Variants in NOL4 observed in about 807,000 individuals in gnomAD.
NOL4 encodes the protein nucleolar protein 4.
NOL4 carries 17 observed loss-of-function variants against 75.9 expected under a neutral mutation model. The ratio of observed to expected loss-of-function variants is 0.22; its 90% CI spans 0.15 to 0.34. The LOEUF (loss-of-function observed/expected upper bound fraction) is 0.34. Among genes scored for constraint, NOL4 ranks in the 10% least tolerant of loss-of-function variants. The probability of loss-of-function intolerance (pLI) is 1.00; values close to 1 mark genes in which losing one functional copy is unlikely to be tolerated. For synonymous variants in NOL4, 292 were observed against 289.9 expected, an observed-to-expected ratio of 1.01 and a Z score of -0.07; for missense variants, 614 against 793.5, an observed-to-expected ratio of 0.77 and a Z score of 2.72.
rs1282692604 is a variant in NOL4, at chr18:34,014,581, TTTGA to T, written c.1056+4733_1056+4736del. 1.7e-4 allele frequency among the ~76,000 whole-genome samples: 26 copies of T among 152,142 alleles called. 1 individual carries two copies. The East Asian group carries it at 3.9e-3, about 23-fold the overall frequency. Reference sequence around the variant, plus strand: ...TAAAACATCTATACCTAGATTGGTGTTTGATTGGCCTTTCATTTTCTATATAGCT... The same window carrying T: ...TAAAACATCTATACCTAGATTGGTGTTTGGCCTTTCATTTTCTATATAGCT... On this transcript the variant is annotated intron_variant, in intron 6 of 10. Transcript: ENST00000261592.
At chr18:34,198,868 C>G (rs1476675932) in intron 1 of NOL4, among the ~76,000 whole-genome samples, 1 of 151,820 alleles carries the variant, frequency 6.6e-6, no homozygotes, top group African/African-American at 2.4e-5. Context: ...TTGCAGCATA[C>G]AAGCTCAAGT....
rs142221234 is a variant in NOL4 at position 33,862,517 on chromosome 18, C to T, written c.1724-9482G>A. 2.9e-3 allele frequency among the ~76,000 whole-genome samples: 441 copies of T among 152,172 alleles called. 12 individuals carry two copies. In the East Asian group the frequency reaches 0.075, roughly 26 times the overall value. ...AATGGGAGAAAATTTTCGCAACCTACTCATCTGACAAAGGGCTAATATCCA... is the reference window on the plus strand; with the variant it reads ...AATGGGAGAAAATTTTCGCAACCTATTCATCTGACAAAGGGCTAATATCCA... On this transcript the variant is annotated intron_variant, in intron 10 of 10. Coordinates refer to ENST00000261592, the MANE Select transcript of NOL4 (RefSeq NM_003787.5).
chr18:33,876,451 T>C (rs1347314642), intron 10 of NOL4, among the ~76,000 whole-genome samples: 1 of 152,034 alleles, frequency 6.6e-6, no homozygotes, highest in Non-Finnish European at 1.5e-5. Flanking sequence ...TTCAGATCTC[T>C]ACAAATCCTA....
intron 9 of NOL4, among the ~76,000 whole-genome samples, chr18:33,893,052 C>T (rs1312506189): frequency 2.6e-5 from 4 of 152,014 alleles, no homozygotes; most frequent in Admixed American, 1.3e-4. Flanking sequence ...TGAATGACCA[C>T]ATACAATACA....
At chr18:34,165,999 T>C (rs2032287055) in intron 1 of NOL4, among the ~76,000 whole-genome samples, 1 of 152,088 alleles carries the variant, frequency 6.6e-6, no homozygotes, top group African/African-American at 2.4e-5. Context: ...AATAAAAATT[T>C]ACAAAATATG....
chr18:33,920,621 A>G (rs908993615), intron 9 of NOL4, among the ~76,000 whole-genome samples: 3 of 152,196 alleles, frequency 2.0e-5, no homozygotes, highest in Admixed American at 6.5e-5. Context: ...ACTATACACT[A>G]AAGAGATTAG....
intron 8 of NOL4, among the ~76,000 whole-genome samples, chr18:33,948,070 A>G (rs1008786847): frequency 3.9e-5 from 6 of 151,902 alleles, no homozygotes; most frequent in Admixed American, 1.3e-4. Context: ...GATTTTTGCA[A>G]TTACAAAAAA....
chr18:33,943,247 C>G, intron 8 of NOL4, 69 bp from the exon 9 acceptor site: 2 of 965,970 alleles, frequency 2.1e-6, no homozygotes, highest in Non-Finnish European at 3.2e-6. Context: ...ATGCTATTCT[C>G]AGAAGAGCTC....
chr18:33,974,955 G>A (rs539887549), intron 6 of NOL4, among the ~76,000 whole-genome samples: 2 of 152,244 alleles, frequency 1.3e-5, no homozygotes, highest in Non-Finnish European at 2.9e-5. Flanking sequence ...ATAAAATGTG[G>A]TATATACATA....
intron 5 of NOL4, among the ~76,000 whole-genome samples, chr18:34,065,463 A>C (rs569572134): frequency 3.3e-5 from 5 of 152,122 alleles, no homozygotes; most frequent in African/African-American, 1.2e-4. Flanking sequence ...AGACTAAAAG[A>C]GAGAAAGATG....
At chr18:34,122,919 C>T (rs1029724891) in intron 2 of NOL4, among the ~76,000 whole-genome samples, 3 of 151,984 alleles carry the variant, frequency 2.0e-5, no homozygotes, top group Admixed American at 2.0e-4. Flanking sequence ...TTTTTAAAGC[C>T]GCATTGGCTC....
At chr18:34,194,917 G>GGGCA in intron 1 of NOL4, among the ~76,000 whole-genome samples, 1 of 151,714 alleles carries the variant, frequency 6.6e-6, no homozygotes, top group Admixed American at 6.6e-5. Flanking sequence ...CTAGCTACTC[G>GGGCA]TGAGGCTAGG....
chr18:34,097,236 G>T (rs918900427), intron 4 of NOL4, among the ~76,000 whole-genome samples: 1 of 152,076 alleles, frequency 6.6e-6, no homozygotes, highest in African/African-American at 2.4e-5. Flanking sequence ...CCATAAGACT[G>T]CTTAAAAACC....
chr18:34,138,159 C>T (rs2080978391), intron 1 of NOL4, among the ~76,000 whole-genome samples: 1 of 152,020 alleles, frequency 6.6e-6, no homozygotes, highest in Admixed American at 6.6e-5. Context: ...TGCCTGTAAT[C>T]CCAGTGCTTT....
intron 1 of NOL4, among the ~76,000 whole-genome samples, chr18:34,211,685 A>C (rs1278676100): frequency 6.6e-6 from 1 of 152,218 alleles, no homozygotes; most frequent in African/African-American, 2.4e-5. Flanking sequence ...AACACTTCAA[A>C]AACTCGTAAC....
At chr18:33,940,252 T>G (rs1258351253) in intron 9 of NOL4, among the ~76,000 whole-genome samples, 3 of 152,022 alleles carry the variant, frequency 2.0e-5, no homozygotes, top group Admixed American at 6.6e-5. Flanking sequence ...CACATGCACA[T>G]GTATATTTAT....
intron 1 of NOL4, chr18:34,220,877 A>G (rs1266133165): frequency 2.0e-5 from 3 of 152,082 alleles, no homozygotes; most frequent in African/African-American, 7.2e-5. Flanking sequence ...TGTTACTTTA[A>G]TATTATCCCT....
chr18:34,022,400 T>G (rs1655438045), intron 5 of NOL4, among the ~76,000 whole-genome samples: 1 of 152,154 alleles, frequency 6.6e-6, no homozygotes, highest in East Asian at 1.9e-4. Context: ...TACATGGTAC[T>G]TTCCATAGGT....
chr18:34,100,127 A>G (rs1023680184), intron 4 of NOL4, among the ~76,000 whole-genome samples: 1 of 151,100 alleles, frequency 6.6e-6, no homozygotes, highest in African/African-American at 2.4e-5. Flanking sequence ...GCCTACCTCT[A>G]TCTGATCCCT....
Sources: gnomAD v4.1 joint callset for allele counts (sites outside exome capture counted in the v4.1 genomes callset) on GRCh38, gnomAD v4.1.1 for gene constraint, MANE v1.5 for transcripts, NCBI Gene and HGNC (gene_info 2026-07-23, HGNC 2026-07-21) for gene names.